DOK6: variants seen among roughly 807,000 people sequenced by gnomAD.
DOK6 encodes the protein docking protein 6.
In DOK6, 22 loss-of-function variants were observed where a neutral mutation model predicts 44.0. That is an observed-to-expected ratio of 0.50 (90% CI 0.36 to 0.71). DOK6 has a LOEUF of 0.71. Among genes scored for constraint, DOK6 ranks in the 30% least tolerant of loss-of-function variants. The probability of loss-of-function intolerance (pLI) is 0.00; values close to 1 mark genes in which losing one functional copy is unlikely to be tolerated. For synonymous variants in DOK6, 166 were observed against 145.5 expected, an observed-to-expected ratio of 1.14 and a Z score of -1.01; for missense variants, 340 against 416.4, an observed-to-expected ratio of 0.82 and a Z score of 1.60.
At chr18:69,499,897 C>A (rs1291724372) in intron 1 of DOK6, among the ~76,000 whole-genome samples, 1 of 152,164 alleles carries the variant, frequency 6.6e-6, no homozygotes, top group Non-Finnish European at 1.5e-5. Context: ...AATTCTTATG[C>A]ATGAGAAAGT....
chr18:69,447,688 T>G (rs917573473), intron 1 of DOK6, among the ~76,000 whole-genome samples: 1 of 152,212 alleles, frequency 6.6e-6, no homozygotes, highest in South Asian at 2.1e-4. Context: ...CCTCCTATTT[T>G]CATGGAGTCA....
At chr18:69,770,477 C>T (rs2144765441) in intron 7 of DOK6, among the ~76,000 whole-genome samples, 1 of 152,192 alleles carries the variant, frequency 6.6e-6, no homozygotes, top group South Asian at 2.1e-4. Flanking sequence ...TTCTGAAAAG[C>T]AAGCAACAGC....
intron 1 of DOK6, among the ~76,000 whole-genome samples, chr18:69,471,105 C>T (rs1234837679): frequency 6.0e-5 from 9 of 151,256 alleles, no homozygotes; most frequent in African/African-American, 2.2e-4. Flanking sequence ...CAAAATTAGC[C>T]GGGCGTGGTG....
chr18:69,484,601 C>T (rs1482514711), intron 1 of DOK6, among the ~76,000 whole-genome samples: 1 of 152,140 alleles, frequency 6.6e-6, no homozygotes, highest in Non-Finnish European at 1.5e-5. Flanking sequence ...CAGGTCACAA[C>T]ATTTTTACCC....
chr18:69,477,075 A>G (rs1270798034), intron 1 of DOK6, among the ~76,000 whole-genome samples: 3 of 152,214 alleles, frequency 2.0e-5, no homozygotes, highest in Non-Finnish European at 4.4e-5. Context: ...TAGCATAAAA[A>G]TAGTATCATT....
chr18:69,688,394 G>C (rs1986195996), intron 4 of DOK6, among the ~76,000 whole-genome samples: 1 of 152,176 alleles, frequency 6.6e-6, no homozygotes, highest in South Asian at 2.1e-4. Flanking sequence ...AAAAGGAAAA[G>C]CCAAGTTGAA....
At chr18:69,840,577 C>A (rs1195174331) in intron 7 of DOK6, among the ~76,000 whole-genome samples, 1 of 152,172 alleles carries the variant, frequency 6.6e-6, no homozygotes, top group African/African-American at 2.4e-5. Context: ...CAACCAAAAG[C>A]ATAGACAGAA....
At chr18:69,730,827 C>T (rs531599448) in intron 5 of DOK6, among the ~76,000 whole-genome samples, 4 of 152,040 alleles carry the variant, frequency 2.6e-5, no homozygotes, top group Non-Finnish European at 5.9e-5. Context: ...GTAGTTTAGG[C>T]AGGATGTGAT....
At chr18:69,412,097 C>A (rs548334265) in intron 1 of DOK6, among the ~76,000 whole-genome samples, 1 of 151,990 alleles carries the variant, frequency 6.6e-6, no homozygotes, top group Non-Finnish European at 1.5e-5. Flanking sequence ...TCGATGCCTT[C>A]GAATATATAT....
rs989529346 is a variant in DOK6, at chr18:69,556,529, C to T, written c.67-7958C>T. 1.6e-4 allele frequency among the ~76,000 whole-genome samples: 24 copies of T among 152,272 alleles called. No homozygotes were observed. In the East Asian group the frequency reaches 4.2e-3, roughly 27 times the overall value. ...ATGTGCTTCTTTGTTTGCTGTCCACCCATCTACGATATTGAAATGGTAGTT... is the reference window on the plus strand; with the variant it reads ...ATGTGCTTCTTTGTTTGCTGTCCACTCATCTACGATATTGAAATGGTAGTT... On this transcript the variant is annotated intron_variant, in intron 1 of 7. Coordinates refer to ENST00000382713, the MANE Select transcript of DOK6 (RefSeq NM_152721.6).
At chr18:69,762,142 T>C (rs1181090010) in intron 7 of DOK6, among the ~76,000 whole-genome samples, 2 of 144,122 alleles carry the variant, frequency 1.4e-5, no homozygotes, top group Non-Finnish European at 3.0e-5. Context: ...AGACTCCATC[T>C]CTGCATGCAT....
At chr18:69,747,870 A>G (rs911307606) in intron 6 of DOK6, among the ~76,000 whole-genome samples, 9 of 152,188 alleles carry the variant, frequency 5.9e-5, no homozygotes, top group African/African-American at 1.9e-4. Context: ...GTGACTCAGA[A>G]GAAGTGAGAG....
chr18:69,538,653 T>A (rs552565216), intron 1 of DOK6, among the ~76,000 whole-genome samples: 1 of 64,946 alleles, frequency 1.5e-5, no homozygotes, highest in East Asian at 5.1e-4. Context: ...AAAGTGCTAC[T>A]ATCACAGCTG....
intron 7 of DOK6, among the ~76,000 whole-genome samples, chr18:69,802,344 T>A (rs1051135522): frequency 6.6e-6 from 1 of 152,206 alleles, no homozygotes; most frequent in Non-Finnish European, 1.5e-5. Flanking sequence ...TGACTGATAA[T>A]GGAGCTACAT....
At chr18:69,563,970 G>A (rs542783232) in intron 1 of DOK6, among the ~76,000 whole-genome samples, 128 of 152,024 alleles carry the variant, frequency 8.4e-4, no homozygotes, top group Middle Eastern at 3.4e-3. Context: ...TCCTATTACA[G>A]AAGTTCAAAA....
At chr18:69,599,265 T>A (rs763984771) in intron 2 of DOK6, 119 bp from the exon 3 acceptor site, 2 of 724,546 alleles carry the variant, frequency 2.8e-6, no homozygotes, top group Admixed American at 3.2e-5. Flanking sequence ...CAATTCAGAA[T>A]GAGTACAAAT....
intron 7 of DOK6, among the ~76,000 whole-genome samples, chr18:69,820,440 G>A (rs1341265982): frequency 3.3e-5 from 5 of 152,156 alleles, no homozygotes; most frequent in African/African-American, 7.2e-5. Context: ...GAATCAAGCT[G>A]CCTCTGTGCA....
In DOK6 at chr18:69,706,742, T is replaced by C. The variant is rs1306523369; in HGVS notation, c.599+8149T>C. Among the ~76,000 whole-genome samples the C allele has an allele frequency of 4.9e-5, 7 of 143,904 alleles. No homozygotes were observed. The South Asian group carries it at 7.0e-4, about 14-fold the overall frequency. The allele number at this position is 143,904 out of a possible 152,430, so 94.4% of individuals were successfully genotyped here. The stretch of plus-strand genomic sequence containing the variant: ...TGTTCCCCTTCCTGTGTCCATGTGT[T>C]CTCATTGTTCAATTCCCACCTATGA... On this transcript the variant is annotated intron_variant, in intron 5 of 7. Transcript: ENST00000382713.
At chr18:69,788,290 G>A (rs1980493131) in intron 7 of DOK6, among the ~76,000 whole-genome samples, 1 of 152,180 alleles carries the variant, frequency 6.6e-6, no homozygotes, top group Non-Finnish European at 1.5e-5. Context: ...AGTTGTGTGT[G>A]TTAATGTCTT....
Sources: allele counts gnomAD v4.1 joint callset (sites outside exome capture counted in the v4.1 genomes callset), GRCh38; gene constraint gnomAD v4.1.1; transcripts MANE v1.5; gene names NCBI Gene and HGNC (gene_info 2026-07-23, HGNC 2026-07-21).